Variants in HOMER1 observed in about 807,000 individuals in gnomAD.
The protein encoded by HOMER1 is homer protein homolog 1.
A neutral mutation model predicts 48.9 loss-of-function variants in HOMER1; 3 were observed. That is an observed-to-expected ratio of 0.06 (90% confidence interval 0.03 to 0.16). The LOEUF (loss-of-function observed/expected upper bound fraction) is 0.16, where lower values mean the gene tolerates loss of function less well. HOMER1 is among the 10% of genes least tolerant of loss of function. The pLI is 1.00. For missense variants in HOMER1, 247 were observed against 411.4 expected, an observed-to-expected ratio of 0.60 and a Z score of 3.46; for synonymous variants, 134 against 146.4, an observed-to-expected ratio of 0.92 and a Z score of 0.61.
chr5:79,443,223 C>A (rs1191199850), intron 4 of HOMER1, among the ~76,000 whole-genome samples: 1 of 152,022 alleles, frequency 6.6e-6, no homozygotes, highest in Non-Finnish European at 1.5e-5. Context: ...TTAATGAAAG[C>A]CAGGCTAAAT....
intron 5 of HOMER1, among the ~76,000 whole-genome samples, chr5:79,418,716 G>A (rs1301702920): frequency 6.6e-6 from 1 of 152,186 alleles, no homozygotes; most frequent in East Asian, 1.9e-4. Context: ...TGTAATGGAT[G>A]GGTACTTTGT....
intron 2 of HOMER1, among the ~76,000 whole-genome samples, chr5:79,452,599 A>G (rs998470446): frequency 6.6e-6 from 1 of 152,200 alleles, no homozygotes; most frequent in Non-Finnish European, 1.5e-5. Flanking sequence ...TTTGTTTACC[A>G]TGTGAACAAC....
intron 5 of HOMER1, among the ~76,000 whole-genome samples, chr5:79,418,533 A>G (rs1218465441): frequency 1.3e-5 from 2 of 152,218 alleles, no homozygotes; most frequent in Non-Finnish European, 2.9e-5. Flanking sequence ...AGTCTTGAGC[A>G]TATTACTCAC....
chr5:79,491,201 G>C (rs1380336341), intron 1 of HOMER1, among the ~76,000 whole-genome samples: 1 of 150,394 alleles, frequency 6.6e-6, no homozygotes, highest in Non-Finnish European at 1.5e-5. Flanking sequence ...GGAGGCTGAG[G>C]TGGATGGATC....
chr5:79,421,878 A>G (rs930686590), intron 5 of HOMER1, among the ~76,000 whole-genome samples: 1 of 152,076 alleles, frequency 6.6e-6, no homozygotes, highest in Non-Finnish European at 1.5e-5. Flanking sequence ...ATAGCACTGA[A>G]TTACAGGCAT....
Position 79,510,641 on chromosome 5 carries a change from A to G in HOMER1, c.5+2129T>C, listed in dbSNP as rs1016115806. ...TGCCAAGGCCATGAGTGCACATGCC[A>G]AGGCTATCAAGGCCCTCCTAAAGCC... is the stretch of plus-strand genomic sequence containing the variant. On this transcript the variant is annotated intron_variant, in intron 1 of 8. Coordinates refer to ENST00000334082, the MANE Select transcript of HOMER1 (RefSeq NM_004272.5). 26 of 912,490 alleles carry G rather than the reference A, an allele frequency of 2.8e-5. No homozygotes were observed. The African/African-American group carries it at 3.9e-4, about 14-fold the overall frequency. The allele number at this position is 912,490 out of a possible 1,614,324, so 56.5% of individuals were successfully genotyped here. A position where few individuals can be genotyped will look rare whatever the true frequency, so the allele number is the denominator to read the frequency against.
rs745316039 is a variant in HOMER1 at position 79,439,144 on chromosome 5, G to A, written c.393C>T (p.Ser131=). Residue 131 remains serine (S), a synonymous_variant, in exon 5 of 9, where the codon TCC becomes TCT. Coordinates refer to ENST00000334082, the MANE Select transcript of HOMER1 (RefSeq NM_004272.5). ...AAGGAGACTGAAGATCCCCGCCTGCGGATTCCTTTAAAAAAAGGGGTGGGG... is the reference window on the plus strand; with the variant it reads ...AAGGAGACTGAAGATCCCCGCCTGCAGATTCCTTTAAAAAAAGGGGTGGGG... ...MELTSTPSQE[S]AGGDLQSPLT... 5.6e-6 allele frequency: 9 copies of A among 1,613,436 alleles called. No homozygotes were observed. The highest frequency in any genetic ancestry group is 2.7e-5 in the African/African-American group (2 of 74,856).
chr5:79,456,622 A>G (rs949907268), intron 2 of HOMER1, among the ~76,000 whole-genome samples: 4 of 152,234 alleles, frequency 2.6e-5, no homozygotes, highest in African/African-American at 9.6e-5. Context: ...TGAACATTAA[A>G]TAAATGGAAT....
intron 1 of HOMER1, among the ~76,000 whole-genome samples, chr5:79,500,430 C>T (rs10078311): frequency 0.6 from 91,732 of 151,908 alleles, 30,592 homozygotes; most frequent in East Asian, 0.99. Flanking sequence ...TAAAAGGTAG[C>T]AGATGAGTTC....
intron 7 of HOMER1, 40 bp downstream of exon 7, chr5:79,397,487 A>T: frequency 1.8e-6 from 2 of 1,125,646 alleles, no homozygotes; most frequent in Non-Finnish European, 2.7e-6. Context: ...TTGTACAAAC[A>T]TGTTAGCTAG....
At chr5:79,463,733 T>C (rs1751380992) in intron 1 of HOMER1, among the ~76,000 whole-genome samples, 1 of 152,186 alleles carries the variant, frequency 6.6e-6, no homozygotes. Context: ...CCCCACAGTA[T>C]ACACAATTTG....
At chr5:79,463,697 G>C (rs1041822138) in intron 1 of HOMER1, among the ~76,000 whole-genome samples, 3 of 152,122 alleles carry the variant, frequency 2.0e-5, no homozygotes, top group Non-Finnish European at 4.4e-5. Context: ...GCTACACACT[G>C]GTCATTCATT....
At chr5:79,376,455 C>T (rs1748775963) in intron 8 of HOMER1, among the ~76,000 whole-genome samples, 1 of 152,126 alleles carries the variant, frequency 6.6e-6, no homozygotes, top group South Asian at 2.1e-4. Context: ...TTGTGCCAGG[C>T]AACACTCTAG....
intron 5 of HOMER1, among the ~76,000 whole-genome samples, chr5:79,420,266 T>C (rs2112245753): frequency 1.3e-5 from 2 of 152,340 alleles, no homozygotes; most frequent in Non-Finnish European, 2.9e-5. Context: ...ATTCTCTCAT[T>C]TATTCCATCC....
chr5:79,502,935 C>G (rs4588573), intron 1 of HOMER1, among the ~76,000 whole-genome samples: 76,414 of 151,416 alleles, frequency 0.5, 21,559 homozygotes, highest in African/African-American at 0.76. Context: ...TGACTACAGG[C>G]GCCCGCCACC....
At chr5:79,413,928 G>A (rs1377637213) in intron 5 of HOMER1, among the ~76,000 whole-genome samples, 2 of 152,018 alleles carry the variant, frequency 1.3e-5, no homozygotes, top group East Asian at 1.9e-4. Flanking sequence ...AATGAGTAGC[G>A]ATTTCAGGTC....
intron 1 of HOMER1, among the ~76,000 whole-genome samples, chr5:79,478,762 A>C (rs904369301): frequency 6.6e-6 from 1 of 151,898 alleles, no homozygotes; most frequent in Non-Finnish European, 1.5e-5. Context: ...GACCAGCCTG[A>C]CCAACATGGT....
At chr5:79,502,925 T>G (rs182564276) in intron 1 of HOMER1, among the ~76,000 whole-genome samples, 165 of 152,152 alleles carry the variant, frequency 1.1e-3, no homozygotes, top group African/African-American at 1.9e-3. Context: ...CGAGTAGCTG[T>G]GACTACAGGC....
At chr5:79,490,072 T>C (rs374747618) in intron 1 of HOMER1, among the ~76,000 whole-genome samples, 1 of 152,146 alleles carries the variant, frequency 6.6e-6, no homozygotes, top group South Asian at 2.1e-4. Context: ...TACAAGAAAA[T>C]GCTATCTTAC....
Sources: gnomAD v4.1 joint callset for allele counts (sites outside exome capture counted in the v4.1 genomes callset) on GRCh38, gnomAD v4.1.1 for gene constraint, MANE v1.5 for transcripts, NCBI Gene and HGNC (gene_info 2026-07-23, HGNC 2026-07-21) for gene names.